The following BMP8A variants were observed in gnomAD, a reference collection of about 807,000 sequenced individuals.
The protein encoded by BMP8A is bone morphogenetic protein 8a, also known as BMP-8A.
In BMP8A, 14 loss-of-function variants were observed where a neutral mutation model predicts 36.8. The observed-to-expected ratio is 0.38, with a 90% CI of 0.25 to 0.60. The LOEUF (loss-of-function observed/expected upper bound fraction) is 0.60, where lower values mean the gene tolerates loss of function less well. Among genes scored for constraint, BMP8A ranks in the 20% least tolerant of loss-of-function variants. The pLI is 0.63. For synonymous variants in BMP8A, 120 were observed against 237.7 expected (o/e 0.50, Z 4.55); for missense variants, 267 against 551.1 (o/e 0.48, Z 5.16).
chr1:39,507,564 C>T (rs781517738), intron 1 of BMP8A, among the ~76,000 whole-genome samples: 22 of 152,112 alleles, frequency 1.4e-4, no homozygotes, highest in Non-Finnish European at 2.8e-4. Flanking sequence ...CGTGTGGGAA[C>T]ATGGGAGGAG....
At position 39,497,166 on chromosome 1, in the gene BMP8A, C is replaced by G. The variant is rs1488355023; in HGVS notation, c.334+4841C>G. Among the ~76,000 whole-genome samples the G allele has an allele frequency of 3.9e-5, 6 of 152,180 alleles. No homozygotes were observed. The East Asian group carries it at 1.2e-3, about 29-fold the overall frequency. ...ATTGCATGAATATACATACCACAGT[C>G]CATCCATTGTTATGGACATTCGGGT... On this transcript the variant is annotated intron_variant, in intron 1 of 6. Coordinates refer to ENST00000331593, the MANE Select transcript of BMP8A (RefSeq NM_181809.4).
chr1:39,516,415 C>T lies in BMP8A; in HGVS notation c.673+4511C>T. 11 of 883,892 alleles carry T rather than the reference C, an allele frequency of 1.2e-5. 2 individuals carry two copies. Among genetic ancestry groups the T allele is most frequent in the Non-Finnish European group, 1.6e-5 (11 of 706,172 alleles). 54.8% of individuals were successfully genotyped at this position (883,892 alleles called of 1,614,324 possible). On this transcript the variant is annotated intron_variant, in intron 3 of 6. Coordinates refer to ENST00000331593, the MANE Select transcript of BMP8A (RefSeq NM_181809.4). ...AGCTCTGGGAGGGCCTGACGGTGGA[C>T]GACATCAAAAAGAGCACGGGGTGTG...
At position 39,528,973 on chromosome 1, in the gene BMP8A, T is replaced by G. The variant is rs1645509666; in HGVS notation, c.*3175T>G. On this transcript the variant is annotated 3_prime_UTR_variant, in exon 7 of 7. Transcript: ENST00000331593. ...CCTGAGCTCAAGCAATCCTCCTGCC[T>G]CAGCCTCCCAAAGTGCTAGGATTAC... 1 of 152,396 alleles carries G rather than the reference T, an allele frequency of 6.6e-6. No homozygotes were observed. The highest frequency in any genetic ancestry group is 2.4e-5 in the African/African-American group (1 of 41,470). 9.4% of individuals were successfully genotyped at this position (152,396 alleles called of 1,614,324 possible). A position where few individuals can be genotyped will look rare whatever the true frequency, so the allele number is the denominator to read the frequency against.
intron 3 of BMP8A, chr1:39,515,428 C>G: frequency 1.2e-6 from 1 of 814,472 alleles, no homozygotes; most frequent in African/African-American, 1.9e-5. Flanking sequence ...TTCTACACCC[C>G]CACGGGCTAC....
intron 3 of BMP8A, among the ~76,000 whole-genome samples, chr1:39,513,795 C>G (rs1306039188): frequency 2.0e-5 from 3 of 150,814 alleles, no homozygotes; most frequent in African/African-American, 7.3e-5. Context: ...GGGACCAGGT[C>G]ATCTAGGGAA....
chr1:39,492,157 G>A lies in BMP8A; in HGVS notation c.166G>A (p.Gly56Arg), dbSNP rs1204866782. The change falls in exon 1 of 7, where the codon GGG becomes AGG. Residue 56 changes from glycine to arginine, a missense_variant. By Grantham distance (125) the Gly-to-Arg change is moderately radical (BLOSUM62 -2). This residue lies in a region of BMP8A where 56 missense variants were observed against 74.1 expected (regional missense o/e 0.76). Coordinates refer to ENST00000331593, the MANE Select transcript of BMP8A (RefSeq NM_181809.4). ...GATCCTGGCGGTGCTCGGGCTACCC[G>A]GGCGGCCCCGGCCCCGCGCGCCACC... ...REILAVLGLPGRPRPRAPPAA... is the reference protein window; with the variant it reads ...REILAVLGLPRRPRPRAPPAA... The A allele has an allele frequency of 1.6e-5, 20 of 1,280,996 alleles. No individual in the cohort carries two copies. Among genetic ancestry groups the A allele is most frequent in the Non-Finnish European group, 2.0e-5 (20 of 1,020,904 alleles). The allele number at this position is 1,280,996 out of a possible 1,614,324, so 79.4% of individuals were successfully genotyped here.
Position 39,526,035 on chromosome 1 carries a change from A to G in BMP8A, c.*237A>G. On this transcript the variant is annotated 3_prime_UTR_variant, in exon 7 of 7. Coordinates refer to ENST00000331593, the MANE Select transcript of BMP8A (RefSeq NM_181809.4). ...GGCCTAAGGCACACAGCAGCCTCAG[A>G]GCCTGTGCTGACTGCACTGTCTGGA... 1 of 645,810 alleles carries G rather than the reference A, an allele frequency of 1.5e-6. No individual in the cohort carries two copies. The highest frequency in any genetic ancestry group is 2.0e-5 in the South Asian group (1 of 50,726). The allele number at this position is 645,810 out of a possible 1,614,324, so 40.0% of individuals were successfully genotyped here.
rs555879706 is a variant in BMP8A at position 39,529,457 on chromosome 1, TAGTG to T, written c.*3664_*3667del. 9.6e-4 allele frequency among the ~76,000 whole-genome samples: 146 copies of T among 152,330 alleles called. No individual in the cohort carries two copies. The highest frequency in any genetic ancestry group is 3.4e-3 in the African/African-American group (140 of 41,568). On this transcript the variant is annotated 3_prime_UTR_variant, in exon 7 of 7. Coordinates refer to ENST00000331593, the MANE Select transcript of BMP8A (RefSeq NM_181809.4). The stretch of plus-strand genomic sequence containing the variant: ...GGTGTGCGGCCCTGCCCTGGCCCCG[TAGTG>T]AGTGTGGGGCCCACCTGTGCCCTCA...
chr1:39,517,431 T>A (rs913670893), intron 3 of BMP8A, among the ~76,000 whole-genome samples: 14 of 151,950 alleles, frequency 9.2e-5, no homozygotes, highest in African/African-American at 2.9e-4. Context: ...TTCTCATGTC[T>A]CAGCCTCTCA....
rs759404714 is a variant in BMP8A at position 39,492,341 on chromosome 1, C to G, written c.334+16C>G. ...GTCAACATGGGTGAGTGCGGCCGCCCGCGCGGGGACCCTCGGAGTAAGCTG... is the reference window on the plus strand; with the variant it reads ...GTCAACATGGGTGAGTGCGGCCGCCGGCGCGGGGACCCTCGGAGTAAGCTG... On this transcript the variant is annotated intron_variant, in intron 1 of 6. Transcript: ENST00000331593. The G allele has an allele frequency of 2.2e-5, 34 of 1,538,646 alleles. 1 individual carries two copies. The highest frequency in any genetic ancestry group is 2.8e-5 in the Non-Finnish European group (32 of 1,155,038).
At chr1:39,497,585 C>T (rs906464234) in intron 1 of BMP8A, among the ~76,000 whole-genome samples, 1 of 152,230 alleles carries the variant, frequency 6.6e-6, no homozygotes, top group African/African-American at 2.4e-5. Flanking sequence ...GGGACAGGCT[C>T]TTTCCAGGCA....
chr1:39,502,815 G>A (rs369276365), intron 1 of BMP8A, among the ~76,000 whole-genome samples: 13 of 152,336 alleles, frequency 8.5e-5, no homozygotes, highest in African/African-American at 9.6e-5. Flanking sequence ...AGGCCAAGGC[G>A]GGCAGATCAC....
chr1:39,525,510 T>A, intron 6 of BMP8A, 139 bp from the exon 7 acceptor site: 2 of 1,216,418 alleles, frequency 1.6e-6, no homozygotes, highest in Non-Finnish European at 2.2e-6. Context: ...TTCCTGTTAA[T>A]AATTCTTATT....
chr1:39,497,818 A>G (rs954657831), intron 1 of BMP8A, among the ~76,000 whole-genome samples: 3 of 152,160 alleles, frequency 2.0e-5, no homozygotes, highest in Non-Finnish European at 4.4e-5. Flanking sequence ...GCCAGGAGGA[A>G]CCTGGGCCTG....
At chr1:39,498,217 T>A (rs1645222340) in intron 1 of BMP8A, among the ~76,000 whole-genome samples, 1 of 152,232 alleles carries the variant, frequency 6.6e-6, no homozygotes, top group African/African-American at 2.4e-5. Context: ...ACCCCCTGCC[T>A]GCTGATGGGG....
chr1:39,491,982 C>A lies in BMP8A; in HGVS notation c.-10C>A. 1 of 1,078,700 alleles carries A rather than the reference C, an allele frequency of 9.3e-7. No individual in the cohort carries two copies. The highest frequency in any genetic ancestry group is 1.1e-6 in the Non-Finnish European group (1 of 890,840). 66.8% of individuals were successfully genotyped at this position (1,078,700 alleles called of 1,614,324 possible). On this transcript the variant is annotated 5_prime_UTR_variant, in exon 1 of 7. Transcript: ENST00000331593. Reference sequence around the variant, plus strand: ...GCTGATGTGCGCCCGCTGAGCGCCCCCGGCCCGCCATGGCCGCGCGCCCCG... The same window carrying A: ...GCTGATGTGCGCCCGCTGAGCGCCCACGGCCCGCCATGGCCGCGCGCCCCG...
rs997303885 is a variant in BMP8A, at chr1:39,524,457, C to T, written c.1060-1192C>T. ...TCAGTGGAGTGAGACTGGGCCCAGC[C>T]TCTCCACACAAGGAGGGGCACGTCA... On this transcript the variant is annotated intron_variant, in intron 6 of 6. Transcript: ENST00000331593. The surrounding 1 kb of genome is among the most constrained non-coding windows in gnomAD (Gnocchi z 4.0). 2.0e-5 allele frequency among the ~76,000 whole-genome samples: 3 copies of T among 152,168 alleles called. No homozygotes were observed. Among genetic ancestry groups the T allele is most frequent in the Admixed American group, 1.3e-4 (2 of 15,290 alleles).
At position 39,514,894 on chromosome 1, in the gene BMP8A, G is replaced by A; in HGVS notation, c.673+2990G>A. 4 of 1,415,886 alleles carry A rather than the reference G, an allele frequency of 2.8e-6. No homozygotes were observed. The South Asian group carries it at 4.7e-5, about 16-fold the overall frequency. 87.7% of individuals were successfully genotyped at this position (1,415,886 alleles called of 1,614,324 possible). ...GCGGGCGCCCGCCCTGCTCTGTGAC[G>A]CGCGGCCCGAGGCGCACGCAGGGCT... On this transcript the variant is annotated intron_variant, in intron 3 of 6. Transcript: ENST00000331593.
rs1053790423 is a variant in BMP8A at position 39,524,339 on chromosome 1, C to T, written c.1059+1222C>T. Among the ~76,000 whole-genome samples, 7 of 152,140 alleles carry T rather than the reference C, an allele frequency of 4.6e-5. No homozygotes were observed. Among genetic ancestry groups the T allele is most frequent in the Non-Finnish European group, 1.0e-4 (7 of 68,030 alleles). On this transcript the variant is annotated intron_variant, in intron 6 of 6. Transcript: ENST00000331593. This position sits in a 1 kb window ranked among gnomAD's most constrained non-coding sequence, Gnocchi z 4.0. Reference sequence around the variant, plus strand: ...CACAGCCTACAGGGCAGCAAACAGGCACTGTGCTCTAGGGGAGGCTGTCGG... The same window carrying T: ...CACAGCCTACAGGGCAGCAAACAGGTACTGTGCTCTAGGGGAGGCTGTCGG...
Sources: allele counts gnomAD v4.1 joint callset (sites outside exome capture counted in the v4.1 genomes callset), GRCh38; gene constraint gnomAD v4.1.1; regional missense constraint gnomAD v4.1.1; non-coding constraint Gnocchi (gnomAD v3.1); transcripts MANE v1.5; gene names NCBI Gene and HGNC (gene_info 2026-07-23, HGNC 2026-07-21).